SEC14L1: variants seen among roughly 807,000 people sequenced by gnomAD.
SEC14L1 encodes the protein SEC14 like lipid binding 1.
SEC14L1 carries 48 observed loss-of-function variants against 85.3 expected under a neutral mutation model. That is an observed-to-expected ratio of 0.56 (90% CI 0.45 to 0.72). The LOEUF is 0.72. Ranked by LOEUF, SEC14L1 falls within the 30% of genes least tolerant of loss-of-function variation. The probability of loss-of-function intolerance (pLI) is 0.00; values close to 1 mark genes in which losing one functional copy is unlikely to be tolerated. For missense variants in SEC14L1, 682 were observed against 921.4 expected, an observed-to-expected ratio of 0.74 and a Z score of 3.36; for synonymous variants, 391 against 355.5, an observed-to-expected ratio of 1.10 and a Z score of -1.12.
chr17:77,179,001 T>C (rs1480224822), intron 3 of SEC14L1, among the ~76,000 whole-genome samples: 1 of 152,244 alleles, frequency 6.6e-6, no homozygotes, highest in Non-Finnish European at 1.5e-5. Flanking sequence ...TGCTGTTTCC[T>C]AAGAGAAAAC....
chr17:77,154,790 A>G (rs1973735301), intron 3 of SEC14L1, among the ~76,000 whole-genome samples: 1 of 152,142 alleles, frequency 6.6e-6, no homozygotes, highest in Non-Finnish European at 1.5e-5. Context: ...CATGTGTATC[A>G]GTAGAATATC....
Position 77,120,663 on chromosome 17 carries a change from G to A in SEC14L1, c.-135-21983G>A, listed in dbSNP as rs112684904. On this transcript the variant is annotated intron_variant, in intron 3 of 19. Transcript: ENST00000392476. Reference sequence around the variant, plus strand: ...AGCTAATTTTTGTATTTTGAGTAGAGGTGGGGTTTCACCCTGTTGTCCAGG... The same window carrying A: ...AGCTAATTTTTGTATTTTGAGTAGAAGTGGGGTTTCACCCTGTTGTCCAGG... Among the ~76,000 whole-genome samples, 758 of 152,278 alleles carry A rather than the reference G, an allele frequency of 5.0e-3. 8 individuals are homozygous for A. Among genetic ancestry groups the A allele is most frequent in the African/African-American group, 0.018 (734 of 41,536 alleles).
intron 3 of SEC14L1, among the ~76,000 whole-genome samples, chr17:77,166,894 C>A: frequency 6.6e-6 from 1 of 152,058 alleles, no homozygotes. Flanking sequence ...CTATTAAATG[C>A]AGTAATCTTT....
intron 3 of SEC14L1, among the ~76,000 whole-genome samples, chr17:77,107,495 A>G (rs956438407): frequency 6.6e-6 from 1 of 152,214 alleles, no homozygotes; most frequent in Non-Finnish European, 1.5e-5. Context: ...TTTCTATTCT[A>G]TGTTATGCTA....
At position 77,216,532 on chromosome 17, in the gene SEC14L1, C is replaced by CTT. The variant is rs1468451104; in HGVS notation, c.*2511_*2512dup. On this transcript the variant is annotated 3_prime_UTR_variant, in exon 17 of 17. Transcript: ENST00000436233. ...AAGGTGGTCCCTGCTTTCTCTTTCT[C>CTT]TTTCTCTGTGTCTCAGATGGCGATT... 2 of 1,613,118 alleles carry CTT rather than the reference C, an allele frequency of 1.2e-6. 1 individual carries two copies. Among genetic ancestry groups the CTT allele is most frequent in the Admixed American group, 3.3e-5 (2 of 59,944 alleles).
chr17:77,180,858 A>T (rs932536825), intron 3 of SEC14L1, among the ~76,000 whole-genome samples: 1 of 152,184 alleles, frequency 6.6e-6, no homozygotes, highest in Admixed American at 6.5e-5. Flanking sequence ...GTATGAACAC[A>T]TATTCACAAA....
At chr17:77,166,940 C>T (rs1974308546) in intron 3 of SEC14L1, among the ~76,000 whole-genome samples, 1 of 152,182 alleles carries the variant, frequency 6.6e-6, no homozygotes, top group Non-Finnish European at 1.5e-5. Context: ...ACTAGGCTCT[C>T]CATATATACA....
chr17:77,150,939 T>TC (rs1973529324), intron 3 of SEC14L1, among the ~76,000 whole-genome samples: 1 of 152,256 alleles, frequency 6.6e-6, no homozygotes, highest in South Asian at 2.1e-4. Flanking sequence ...AGTCCATCGT[T>TC]CATCTTCTCA....
At chr17:77,118,264 C>T (rs1972222811) in intron 3 of SEC14L1, among the ~76,000 whole-genome samples, 3 of 152,244 alleles carry the variant, frequency 2.0e-5, no homozygotes, top group Admixed American at 2.0e-4. Context: ...TGCCCATGGC[C>T]ACCTGGGCGT....
intron 3 of SEC14L1, among the ~76,000 whole-genome samples, chr17:77,187,037 T>A (rs917166641): frequency 1.3e-5 from 2 of 152,148 alleles, no homozygotes; most frequent in Non-Finnish European, 2.9e-5. Flanking sequence ...ATGCTCCAGA[T>A]CAAAAACTTT....
At position 77,174,539 on chromosome 17, in the gene SEC14L1, A is replaced by T. The variant is rs1420265649; in HGVS notation, c.64-16264A>T. ...TTTCTTAACCTTTGTCTCTGCACAGAGTTACCTGGTCACTGTGGTATTTGT... is the reference window on the plus strand; with the variant it reads ...TTTCTTAACCTTTGTCTCTGCACAGTGTTACCTGGTCACTGTGGTATTTGT... On this transcript the variant is annotated intron_variant, in intron 3 of 16. Coordinates refer to ENST00000436233, the MANE Select transcript of SEC14L1 (RefSeq NM_001143998.2). 2.0e-5 allele frequency among the ~76,000 whole-genome samples: 3 copies of T among 152,162 alleles called. 1 individual carries two copies. The highest frequency in any genetic ancestry group is 4.4e-5 in the Non-Finnish European group (3 of 68,028).
intron 3 of SEC14L1, among the ~76,000 whole-genome samples, chr17:77,123,239 T>C (rs55674570): frequency 0.34 from 51,584 of 150,826 alleles, 9,157 homozygotes; most frequent in African/African-American, 0.44. Context: ...TTAGTAGAGA[T>C]GGGGATTCAC....
At chr17:77,143,450 T>C (rs916086620) in intron 2 of SEC14L1, 117 bp from the exon 3 acceptor site, 3 of 596,386 alleles carry the variant, frequency 5.0e-6, no homozygotes. Context: ...TGCATAGAAT[T>C]ATGACCTATT....
chr17:77,179,984 T>C lies in SEC14L1; in HGVS notation c.64-10819T>C, dbSNP rs142232785. 9.8e-4 allele frequency among the ~76,000 whole-genome samples: 148 copies of C among 151,248 alleles called. 1 individual carries two copies. The highest frequency in any genetic ancestry group is 3.4e-3 in the African/African-American group (140 of 41,180). On this transcript the variant is annotated intron_variant, in intron 3 of 16. Transcript: ENST00000436233. The stretch of plus-strand genomic sequence containing the variant: ...GAGCCGCCGCGCCTGGCCTACGTAT[T>C]TGTTTTTAGGTTTTTATTTTGTTTT...
Position 77,200,536 on chromosome 17 carries a change from T to C in SEC14L1, c.872T>C (p.Ile291Thr). 1 of 1,614,114 alleles carries C rather than the reference T, an allele frequency of 6.2e-7. No individual in the cohort carries two copies. Among genetic ancestry groups the C allele is most frequent in the Non-Finnish European group, 8.5e-7 (1 of 1,179,982 alleles). Residue 291 changes from isoleucine (I) to threonine (T), a missense_variant, in exon 9 of 17, where the codon ATT becomes ACT. Ile to Thr is a moderately conservative substitution (Grantham distance 89, BLOSUM62 -1). Transcript: ENST00000436233. ...LRFLRARDFN[I>T]DKAREIMCQS... ...TTCCTCCGTGCACGGGATTTTAATA[T>C]TGACAAAGCCAGAGAGATCATGTGT...
intron 3 of SEC14L1, among the ~76,000 whole-genome samples, chr17:77,110,283 A>C (rs1972017929): frequency 6.6e-6 from 1 of 152,196 alleles, no homozygotes; most frequent in South Asian, 2.1e-4. Context: ...TGTTGGACAA[A>C]AAGAAAAATG....
intron 3 of SEC14L1, among the ~76,000 whole-genome samples, chr17:77,101,184 T>C (rs1248412846): frequency 2.7e-5 from 4 of 148,948 alleles, no homozygotes; most frequent in Non-Finnish European, 6.0e-5. Context: ...GTCCCTCTCT[T>C]TTTTTTTTTT....
intron 3 of SEC14L1, among the ~76,000 whole-genome samples, chr17:77,108,341 G>A (rs570918830): frequency 6.6e-6 from 1 of 152,288 alleles, no homozygotes; most frequent in African/African-American, 2.4e-5. Context: ...GGTCCAGTGT[G>A]TCTCCTCTGG....
chr17:77,129,723 T>C (rs1276205700), intron 3 of SEC14L1, among the ~76,000 whole-genome samples: 1 of 152,148 alleles, frequency 6.6e-6, no homozygotes, highest in Non-Finnish European at 1.5e-5. Flanking sequence ...CTTGAGACTA[T>C]TGCTTTAACT....
Sources: allele counts gnomAD v4.1 joint callset (sites outside exome capture counted in the v4.1 genomes callset), GRCh38; gene constraint gnomAD v4.1.1; transcripts MANE v1.5; gene names NCBI Gene and HGNC (gene_info 2026-07-23, HGNC 2026-07-21).